Variants in STARD13 observed in about 807,000 individuals in gnomAD.
STARD13 encodes the protein StAR related lipid transfer domain containing 13, also known as stAR-related lipid transfer protein 13.
In STARD13, 62 loss-of-function variants were observed where a neutral mutation model predicts 106.4. The ratio of observed to expected loss-of-function variants is 0.58; its 90% CI spans 0.48 to 0.72. The LOEUF (loss-of-function observed/expected upper bound fraction) is 0.72, where lower values mean the gene tolerates loss of function less well. Ranked by LOEUF, STARD13 falls within the 30% of genes least tolerant of loss-of-function variation. The pLI is 0.00. For missense variants in STARD13, 1,387 were observed against 1,424.0 expected (o/e 0.97, Z 0.42); for synonymous variants, 565 against 553.0 (o/e 1.02, Z -0.31).
upstream of STARD13, among the ~76,000 whole-genome samples, chr13:33,289,050 A>C (rs987098257): frequency 2.0e-5 from 3 of 152,168 alleles, no homozygotes; most frequent in African/African-American, 7.2e-5. Flanking sequence ...TTTCCTTTAC[A>C]GGCAACTGAG....
chr13:33,198,561 C>A (rs761560842), intron 1 of STARD13, among the ~76,000 whole-genome samples: 6 of 152,134 alleles, frequency 3.9e-5, no homozygotes, highest in Non-Finnish European at 8.8e-5. Context: ...CACCTCCATA[C>A]CCCCTTTCCC....
At chr13:33,511,264 G>A in the STARD13 span, 1 of 151,490 alleles carries the variant, frequency 6.6e-6, no homozygotes, top group Non-Finnish European at 1.5e-5. Context: ...AGTGAGCCAA[G>A]ATCACACCAC....
chr13:33,308,562 C>T lies in STARD13; in HGVS notation c.124+41728G>A, dbSNP rs116460879. Among the ~76,000 whole-genome samples, 572 of 71,904 alleles carry T rather than the reference C, an allele frequency of 8.0e-3. 4 individuals carry two copies. The highest frequency in any genetic ancestry group is 0.026 in the African/African-American group (540 of 20,872). The allele number at this position is 71,904 out of a possible 152,430, so 47.2% of individuals were successfully genotyped here. A position where few individuals can be genotyped will look rare whatever the true frequency, so the allele number is the denominator to read the frequency against. On this transcript the variant is annotated intron_variant, in intron 1 of 5. Coordinates refer to the STARD13 transcript ENST00000567873. ...TTTTGAGTTTGAGTTTCGCTCTTAT[C>T]GCCCAGGCTGGAGAGCAATGGCATG...
chr13:33,550,198 G>A, the STARD13 span, among the ~76,000 whole-genome samples: 1 of 152,134 alleles, frequency 6.6e-6, no homozygotes, highest in Non-Finnish European at 1.5e-5. Flanking sequence ...CCTACAGCAA[G>A]CAAGAGCCAC....
the STARD13 span, among the ~76,000 whole-genome samples, chr13:33,646,562 G>A: frequency 2.0e-5 from 3 of 152,138 alleles, no homozygotes; most frequent in African/African-American, 7.2e-5. Flanking sequence ...TGTCTCTGGG[G>A]ATAAAGTTGC....
At chr13:33,184,155 G>A (rs1885526483) in intron 1 of STARD13, among the ~76,000 whole-genome samples, 1 of 152,108 alleles carries the variant, frequency 6.6e-6, no homozygotes, top group Non-Finnish European at 1.5e-5. Context: ...GAACCCTTCT[G>A]ATAATTATAG....
At chr13:33,541,843 A>G in the STARD13 span, among the ~76,000 whole-genome samples, 1 of 152,240 alleles carries the variant, frequency 6.6e-6, no homozygotes, top group African/African-American at 2.4e-5. Flanking sequence ...TTATTTCTGC[A>G]ACACACTTGG....
At chr13:33,244,780 C>A (rs1180158626) in intron 1 of STARD13, among the ~76,000 whole-genome samples, 1 of 152,066 alleles carries the variant, frequency 6.6e-6, no homozygotes, top group African/African-American at 2.4e-5. Context: ...ATCAAGTTGC[C>A]AATGAATTGT....
intron 1 of STARD13, among the ~76,000 whole-genome samples, chr13:33,283,455 T>C (rs1454478679): frequency 6.6e-6 from 1 of 152,234 alleles, no homozygotes; most frequent in African/African-American, 2.4e-5. Context: ...ACTACAATGA[T>C]TTTGGTATGC....
intron 1 of STARD13, among the ~76,000 whole-genome samples, chr13:33,233,649 C>T (rs554225453): frequency 3.9e-5 from 6 of 152,224 alleles, no homozygotes; most frequent in Non-Finnish European, 8.8e-5. Context: ...TAACACCAGC[C>T]CTTTGCCCTT....
the STARD13 span, among the ~76,000 whole-genome samples, chr13:33,596,162 T>C: frequency 6.6e-6 from 1 of 152,200 alleles, no homozygotes; most frequent in African/African-American, 2.4e-5. Context: ...ATAGTATAGA[T>C]TCAGCATAGA....
At chr13:33,444,195 A>G in the STARD13 span, among the ~76,000 whole-genome samples, 1 of 152,172 alleles carries the variant, frequency 6.6e-6, no homozygotes, top group East Asian at 1.9e-4. Flanking sequence ...AGATACACAC[A>G]TTTCTAGCAC....
chr13:33,366,666 TA>T, the STARD13 span, among the ~76,000 whole-genome samples: 1 of 152,210 alleles, frequency 6.6e-6, no homozygotes, highest in African/African-American at 2.4e-5. The surrounding 1 kb of genome is among the most constrained non-coding windows in gnomAD (Gnocchi z 4.2). Flanking sequence ...CTAAGCTCTT[TA>T]AACACCTGCA....
rs368511343 is a variant in STARD13, at chr13:33,106,952, G to T, written c.3048-18C>A. 4.2e-5 allele frequency: 68 copies of T among 1,604,196 alleles called. No homozygotes were observed. In the African/African-American group the frequency reaches 8.0e-4, roughly 19 times the overall value. ...TCCAGGTCCTGTAGCAAAACAATCC[G>T]CACATCAGAGTCATGACTGAGGGAG... On this transcript the variant is annotated intron_variant, in intron 12 of 13. Coordinates refer to ENST00000336934, the MANE Select transcript of STARD13 (RefSeq NM_178006.4).
the STARD13 span, among the ~76,000 whole-genome samples, chr13:33,583,917 T>A: frequency 6.6e-6 from 1 of 152,030 alleles, no homozygotes; most frequent in African/African-American, 2.4e-5. Context: ...CGAATAATGG[T>A]TATGAGCATA....
intron 3 of STARD13, among the ~76,000 whole-genome samples, chr13:33,150,849 G>A (rs986187682): frequency 4.6e-5 from 7 of 152,200 alleles, no homozygotes; most frequent in African/African-American, 1.2e-4. Context: ...GAAACTTGAG[G>A]TTCTAATGGG....
chr13:33,259,612 C>G (rs1332767686), intron 1 of STARD13, among the ~76,000 whole-genome samples: 1 of 152,158 alleles, frequency 6.6e-6, no homozygotes, highest in African/African-American at 2.4e-5. Flanking sequence ...CTCAAAAGAT[C>G]AAGAGCAAAG....
the STARD13 span, chr13:33,661,491 T>C: frequency 6.6e-6 from 1 of 152,218 alleles, no homozygotes; most frequent in Non-Finnish European, 1.5e-5. Context: ...CACACTTCTA[T>C]AAAGAGCTGC....
At chr13:33,224,854 G>A (rs959044689) in intron 1 of STARD13, among the ~76,000 whole-genome samples, 12 of 152,026 alleles carry the variant, frequency 7.9e-5, no homozygotes, top group African/African-American at 1.7e-4. Context: ...TTTTCCTCTC[G>A]TAACTATGCT....
Sources: allele counts gnomAD v4.1 joint callset (sites outside exome capture counted in the v4.1 genomes callset), GRCh38; gene constraint gnomAD v4.1.1; non-coding constraint Gnocchi (gnomAD v3.1); transcripts MANE v1.5; gene names NCBI Gene and HGNC (gene_info 2026-07-23, HGNC 2026-07-21).